Variants in ZNF407 observed in about 807,000 individuals in gnomAD.
ZNF407 encodes the protein zinc finger protein 407.
ZNF407 carries 17 observed loss-of-function variants against 131.2 expected under a neutral mutation model. The ratio of observed to expected loss-of-function variants is 0.13; its 90% CI spans 0.09 to 0.19. The LOEUF (loss-of-function observed/expected upper bound fraction) is 0.19. ZNF407 is among the 10% of genes least tolerant of loss of function. The pLI, the probability that ZNF407 is intolerant of heterozygous loss-of-function variation, is 1.00. For synonymous variants in ZNF407, 1,156 were observed against 1,062.0 expected, an observed-to-expected ratio of 1.09 and a Z score of -1.72; for missense variants, 2,681 against 2,830.6, an observed-to-expected ratio of 0.95 and a Z score of 1.20.
At chr18:74,818,010 A>G (rs1286266736) in intron 4 of ZNF407, among the ~76,000 whole-genome samples, 1 of 152,222 alleles carries the variant, frequency 6.6e-6, no homozygotes, top group East Asian at 1.9e-4. Flanking sequence ...TAAAAATTTC[A>G]TGACCAGATC....
At chr18:74,739,640 C>T (rs1466366219) in intron 3 of ZNF407, among the ~76,000 whole-genome samples, 2 of 151,620 alleles carry the variant, frequency 1.3e-5, no homozygotes, top group Middle Eastern at 3.2e-3. Context: ...TATAAGCAAA[C>T]GTATAACCTT....
intron 8 of ZNF407, among the ~76,000 whole-genome samples, chr18:74,973,128 T>TTA (rs146638520): frequency 0.22 from 34,048 of 151,994 alleles, 4,973 homozygotes; most frequent in African/African-American, 0.4. Flanking sequence ...ATTCTAGGTT[T>TTA]TATATATATA....
chr18:74,649,926 G>A (rs187537060), intron 3 of ZNF407, among the ~76,000 whole-genome samples: 1 of 152,244 alleles, frequency 6.6e-6, no homozygotes, highest in African/African-American at 2.4e-5. Context: ...AACCAACAGT[G>A]GTGAATCTAT....
At chr18:74,992,031 C>G (rs1972724523) in intron 8 of ZNF407, among the ~76,000 whole-genome samples, 1 of 152,196 alleles carries the variant, frequency 6.6e-6, no homozygotes, top group African/African-American at 2.4e-5. Context: ...CCCCACTCCT[C>G]ACAATGGAAC....
chr18:74,967,600 C>G (rs1467750058), intron 8 of ZNF407, among the ~76,000 whole-genome samples: 1 of 152,198 alleles, frequency 6.6e-6, no homozygotes, highest in Admixed American at 6.5e-5. Flanking sequence ...GCAGCTGTTC[C>G]TCTTCCTCCT....
chr18:74,748,624 A>G (rs945288817), intron 3 of ZNF407, among the ~76,000 whole-genome samples: 88 of 152,170 alleles, frequency 5.8e-4, no homozygotes, highest in Non-Finnish European at 4.1e-4. Flanking sequence ...CTTTCAATCT[A>G]TAGAAAATGA....
intron 3 of ZNF407, among the ~76,000 whole-genome samples, chr18:74,760,658 A>C (rs1424657467): frequency 6.6e-6 from 1 of 152,188 alleles, no homozygotes; most frequent in African/African-American, 2.4e-5. Context: ...AACCCTGAGC[A>C]TGGAGTGTTT....
intron 3 of ZNF407, among the ~76,000 whole-genome samples, chr18:74,692,766 T>C (rs1470320564): frequency 6.6e-6 from 1 of 152,136 alleles, no homozygotes; most frequent in Non-Finnish European, 1.5e-5. Context: ...GTTCTGGAGC[T>C]GAGAGGCCTT....
chr18:74,884,807 A>G (rs887511533), intron 6 of ZNF407, among the ~76,000 whole-genome samples: 2 of 152,206 alleles, frequency 1.3e-5, no homozygotes, highest in Non-Finnish European at 2.9e-5. Flanking sequence ...ATGTTAAACT[A>G]CGAAACCAAG....
In ZNF407 at chr18:75,048,128, A is replaced by T. The variant is rs1375277920; in HGVS notation, c.5429-15022A>T. Among the ~76,000 whole-genome samples, 8 of 152,224 alleles carry T rather than the reference A, an allele frequency of 5.3e-5. No individual in the cohort carries two copies. The highest frequency in any genetic ancestry group is 1.0e-4 in the Non-Finnish European group (7 of 68,034). On this transcript the variant is annotated intron_variant, in intron 8 of 8. Coordinates refer to ENST00000299687, the MANE Select transcript of ZNF407 (RefSeq NM_017757.3). The surrounding 1 kb of genome is among the most constrained non-coding windows in gnomAD (Gnocchi z 4.1). Reference sequence around the variant, plus strand: ...AAAATGACCAGAATCATAGACTCAGATCCTAATGCAGCTGAAGCTGACACC... The same window carrying T: ...AAAATGACCAGAATCATAGACTCAGTTCCTAATGCAGCTGAAGCTGACACC...
chr18:74,635,770 T>C lies in ZNF407; in HGVS notation c.4687+64T>C, dbSNP rs995256618. The stretch of plus-strand genomic sequence containing the variant: ...GGGGCCATTTGTTCCCATCCAGATA[T>C]GCAGCCCTACCTGTGGCTGCTCATT... On this transcript the variant is annotated intron_variant, in intron 2 of 8. Transcript: ENST00000299687. This position sits in a 1 kb window ranked among gnomAD's most constrained non-coding sequence, Gnocchi z 4.7. 20 of 1,519,434 alleles carry C rather than the reference T, an allele frequency of 1.3e-5. No individual in the cohort carries two copies. Among genetic ancestry groups the C allele is most frequent in the Admixed American group, 8.8e-5 (4 of 45,266 alleles). 94.1% of individuals were successfully genotyped at this position (1,519,434 alleles called of 1,614,324 possible).
intron 4 of ZNF407, among the ~76,000 whole-genome samples, chr18:74,823,158 G>A (rs1970364499): frequency 6.6e-6 from 1 of 152,116 alleles, no homozygotes; most frequent in South Asian, 2.1e-4. Flanking sequence ...ACATGCAAAT[G>A]CTGAGAGATT....
chr18:74,829,497 C>T (rs191627162), intron 4 of ZNF407, among the ~76,000 whole-genome samples: 1 of 152,242 alleles, frequency 6.6e-6, no homozygotes, highest in East Asian at 1.9e-4. Context: ...CTGGCAGAGA[C>T]TTTCAAAGCA....
chr18:74,603,639 A>T (rs1247563849), intron 1 of ZNF407, among the ~76,000 whole-genome samples: 5 of 152,214 alleles, frequency 3.3e-5, no homozygotes, highest in African/African-American at 1.2e-4. Context: ...GACACCATTG[A>T]CGCCTGTGAA....
At chr18:74,860,897 A>G (rs1194195205) in intron 4 of ZNF407, among the ~76,000 whole-genome samples, 5 of 152,220 alleles carry the variant, frequency 3.3e-5, no homozygotes, top group Admixed American at 3.3e-4. Flanking sequence ...GTTTTGTGTG[A>G]TTGTGTTTCA....
chr18:74,850,364 T>C (rs1970764702), intron 4 of ZNF407, among the ~76,000 whole-genome samples: 1 of 152,228 alleles, frequency 6.6e-6, no homozygotes, highest in African/African-American at 2.4e-5. Flanking sequence ...GGGTCACTTC[T>C]TCAGCTTTAG....
chr18:74,659,095 G>T (rs1336742835), intron 3 of ZNF407, among the ~76,000 whole-genome samples: 1 of 152,052 alleles, frequency 6.6e-6, no homozygotes, highest in Non-Finnish European at 1.5e-5. Context: ...TGAAATAGAT[G>T]AACTACATAG....
chr18:74,611,883 A>G (rs1284081099), intron 1 of ZNF407, among the ~76,000 whole-genome samples: 5 of 152,166 alleles, frequency 3.3e-5, no homozygotes, highest in Non-Finnish European at 7.3e-5. Flanking sequence ...TGATGCTAAA[A>G]TATGAAAGGT....
intron 4 of ZNF407, among the ~76,000 whole-genome samples, chr18:74,860,611 G>A (rs1217940392): frequency 1.3e-5 from 2 of 151,544 alleles, no homozygotes; most frequent in African/African-American, 2.4e-5. Context: ...TAACATTTTT[G>A]TTGCTGCCAA....
Sources: allele counts gnomAD v4.1 joint callset (sites outside exome capture counted in the v4.1 genomes callset), GRCh38; gene constraint gnomAD v4.1.1; non-coding constraint Gnocchi (gnomAD v3.1); transcripts MANE v1.5; gene names NCBI Gene and HGNC (gene_info 2026-07-23, HGNC 2026-07-21).